The following LRP1B variants were observed in gnomAD, a reference collection of about 807,000 sequenced individuals.
The protein encoded by LRP1B is low-density lipoprotein receptor-related protein 1B.
LRP1B carries 217 observed loss-of-function variants against 556.6 expected under a neutral mutation model. The ratio of observed to expected loss-of-function variants is 0.39; its 90% CI spans 0.35 to 0.44. LRP1B has a LOEUF of 0.44. LRP1B is among the 20% of genes least tolerant of loss of function. LRP1B has a pLI of 1.00. For missense variants in LRP1B, 5,053 were observed against 5,620.8 expected, an observed-to-expected ratio of 0.90 and a Z score of 3.23; for synonymous variants, 2,047 against 1,865.8, an observed-to-expected ratio of 1.10 and a Z score of -2.50.
chr2:140,488,121 C>G (rs912779537), intron 57 of LRP1B, among the ~76,000 whole-genome samples: 1 of 151,690 alleles, frequency 6.6e-6, no homozygotes, highest in Non-Finnish European at 1.5e-5. Context: ...CATGGAAGAG[C>G]CTGAAAAAAG....
intron 3 of LRP1B, among the ~76,000 whole-genome samples, chr2:141,285,680 C>A (rs536573328): frequency 6.9e-6 from 1 of 145,836 alleles, no homozygotes; most frequent in East Asian, 2.1e-4. Context: ...GGTTTCAATC[C>A]CCTTACCTCA....
chr2:141,591,659 T>G (rs1416316141), intron 2 of LRP1B, among the ~76,000 whole-genome samples: 2 of 151,844 alleles, frequency 1.3e-5, no homozygotes, highest in Admixed American at 1.3e-4. Context: ...TATGAAGCAA[T>G]TTGGGCAGAC....
chr2:141,968,305 T>C (rs1199434692), intron 1 of LRP1B, among the ~76,000 whole-genome samples: 2 of 151,998 alleles, frequency 1.3e-5, no homozygotes, highest in African/African-American at 4.8e-5. Context: ...GATTAATCAG[T>C]GGTAGAAATT....
chr2:141,422,164 C>T (rs147063879), intron 3 of LRP1B, among the ~76,000 whole-genome samples: 8 of 152,280 alleles, frequency 5.3e-5, no homozygotes, highest in Non-Finnish European at 8.8e-5. Context: ...CTGTCAGATA[C>T]AGTTATAACA....
chr2:140,370,814 TCTTC>T lies in LRP1B; in HGVS notation c.10900_10903del (p.Glu3634IlefsTer121). On this transcript the variant is annotated frameshift_variant, in exon 71 of 91. Coordinates refer to ENST00000389484, the MANE Select transcript of LRP1B (RefSeq NM_018557.3). LOFTEE classifies it high-confidence loss of function. ...GGCTTTATTTTTGCACCGAAACTGA[TCTTC>T]CTTACATTCAGTCACACAGTCCATC... 1 of 1,612,690 alleles carries T rather than the reference TCTTC, an allele frequency of 6.2e-7. No individual in the cohort carries two copies. Among genetic ancestry groups the T allele is most frequent in the Non-Finnish European group, 8.5e-7 (1 of 1,179,064 alleles).
intron 1 of LRP1B, among the ~76,000 whole-genome samples, chr2:141,882,422 T>C (rs1214889584): frequency 1.3e-5 from 2 of 152,154 alleles, no homozygotes; most frequent in Non-Finnish European, 2.9e-5. Flanking sequence ...TAGTCCCAAA[T>C]CCATGAAGCC....
At chr2:140,695,023 A>G (rs1194151113) in intron 41 of LRP1B, among the ~76,000 whole-genome samples, 3 of 151,064 alleles carry the variant, frequency 2.0e-5, no homozygotes, top group Admixed American at 2.0e-4. Flanking sequence ...GATGAACCCC[A>G]AGTAAATATT....
chr2:140,495,767 G>A lies in LRP1B; in HGVS notation c.8851-19C>T, dbSNP rs1283830298. The A allele has an allele frequency of 1.3e-6, 2 of 1,585,474 alleles. No homozygotes were observed. Among genetic ancestry groups the A allele is most frequent in the East Asian group, 4.5e-5 (2 of 44,244 alleles). ...ATTTGCACTGGGAAAAGAAAAATGA[G>A]CATAATCAATTCATATCATTGTCAC... On this transcript the variant is annotated intron_variant, in intron 55 of 90. Transcript: ENST00000389484.
At chr2:141,540,691 G>A (rs146291879) in intron 2 of LRP1B, among the ~76,000 whole-genome samples, 2 of 151,942 alleles carry the variant, frequency 1.3e-5, no homozygotes, top group Non-Finnish European at 2.9e-5. Context: ...TTTAAAAAAT[G>A]AGACTAAACA....
At chr2:141,358,762 TA>T (rs1415873257) in intron 3 of LRP1B, among the ~76,000 whole-genome samples, 3 of 152,202 alleles carry the variant, frequency 2.0e-5, no homozygotes, top group Admixed American at 6.5e-5. Flanking sequence ...TAGAATTTCA[TA>T]ATCTCCATCA....
rs144725766 is a variant in LRP1B at position 141,638,860 on chromosome 2, CATATAT to C, written c.206-158333_206-158328del. On this transcript the variant is annotated intron_variant, in intron 2 of 90. Coordinates refer to ENST00000389484, the MANE Select transcript of LRP1B (RefSeq NM_018557.3). ...ATCAAAATTGAGACTGTAAGGTAGC[CATATAT>C]ATATATATATATATATGTGTGTGTA... is the stretch of plus-strand genomic sequence containing the variant. 5.2e-4 allele frequency among the ~76,000 whole-genome samples: 28 copies of C among 53,360 alleles called. 2 individuals are homozygous for C. The highest frequency in any genetic ancestry group is 1.4e-3 in the African/African-American group (24 of 16,586). 35.0% of individuals were successfully genotyped at this position (53,360 alleles called of 152,430 possible). A position where few individuals can be genotyped will look rare whatever the true frequency, so the allele number is the denominator to read the frequency against.
At chr2:141,253,365 G>A (rs1031227526) in intron 4 of LRP1B, among the ~76,000 whole-genome samples, 1 of 152,112 alleles carries the variant, frequency 6.6e-6, no homozygotes, top group African/African-American at 2.4e-5. Flanking sequence ...CCTCCCTGTG[G>A]TCAGATTATG....
intron 1 of LRP1B, among the ~76,000 whole-genome samples, chr2:141,830,365 A>G (rs1490741506): frequency 6.6e-6 from 1 of 151,900 alleles, no homozygotes; most frequent in Non-Finnish European, 1.5e-5. Flanking sequence ...ATACGAAGCA[A>G]TTTTTAGCAT....
At chr2:141,720,287 T>A (rs1692765887) in intron 2 of LRP1B, among the ~76,000 whole-genome samples, 1 of 152,148 alleles carries the variant, frequency 6.6e-6, no homozygotes, top group Non-Finnish European at 1.5e-5. Flanking sequence ...AGAACTTTGG[T>A]TTACATAAAT....
chr2:140,365,781 A>T (rs1156671512), intron 71 of LRP1B, among the ~76,000 whole-genome samples: 1 of 151,692 alleles, frequency 6.6e-6, no homozygotes, highest in Non-Finnish European at 1.5e-5. Context: ...AAGAGATACA[A>T]TTCATGGGTT....
chr2:140,663,044 A>T (rs1462022056), intron 41 of LRP1B, among the ~76,000 whole-genome samples: 1 of 152,170 alleles, frequency 6.6e-6, no homozygotes, highest in Non-Finnish European at 1.5e-5. Context: ...GTAAAACAAC[A>T]TGTAGCCTTC....
At chr2:140,763,687 T>C (rs774748938) in intron 35 of LRP1B, among the ~76,000 whole-genome samples, 2 of 152,122 alleles carry the variant, frequency 1.3e-5, no homozygotes, top group Non-Finnish European at 2.9e-5. Context: ...ATTTAGAAAT[T>C]ACCCAAAAAG....
intron 2 of LRP1B, among the ~76,000 whole-genome samples, chr2:141,632,364 A>G (rs987598766): frequency 6.6e-6 from 1 of 152,130 alleles, no homozygotes; most frequent in Admixed American, 6.6e-5. Context: ...TATTTTCTTT[A>G]GTTCTTAATG....
chr2:140,687,233 A>AGGGAATGG (rs1225168290), intron 41 of LRP1B, among the ~76,000 whole-genome samples: 1 of 152,172 alleles, frequency 6.6e-6, no homozygotes, highest in African/African-American at 2.4e-5. Context: ...CATGGGATGT[A>AGGGAATGG]GTTACAGGAG....
Sources: allele counts gnomAD v4.1 joint callset (sites outside exome capture counted in the v4.1 genomes callset), GRCh38; gene constraint gnomAD v4.1.1; transcripts MANE v1.5; gene names NCBI Gene and HGNC (gene_info 2026-07-23, HGNC 2026-07-21).